The following ZFYVE21 variants were observed in gnomAD, a reference collection of about 807,000 sequenced individuals.
ZFYVE21 encodes the protein zinc finger FYVE-type containing 21.
A neutral mutation model predicts 29.5 loss-of-function variants in ZFYVE21; 21 were observed. The observed-to-expected ratio is 0.71, with a 90% confidence interval of 0.50 to 1.02. The LOEUF (loss-of-function observed/expected upper bound fraction) is 1.02, where lower values mean the gene tolerates loss of function less well. Ranked by LOEUF, ZFYVE21 falls within the 50% of genes least tolerant of loss-of-function variation. The pLI is 0.00. For synonymous variants in ZFYVE21, 151 were observed against 133.8 expected (o/e 1.13, Z -0.89); for missense variants, 326 against 335.4 (o/e 0.97, Z 0.22).
At chr14:103,732,867 C>A in intron 6 of ZFYVE21, 105 bp downstream of exon 6, 1 of 1,601,436 alleles carries the variant, frequency 6.2e-7, no homozygotes, top group East Asian at 2.2e-5. Flanking sequence ...ATCCCCACAA[C>A]CTGTTCCCCC....
At chr14:103,732,513 T>A (rs1441297886) in intron 5 of ZFYVE21, 107 bp from the exon 6 acceptor site, 1 of 1,368,306 alleles carries the variant, frequency 7.3e-7, no homozygotes, top group Admixed American at 2.7e-5. Flanking sequence ...CAGGCTACTC[T>A]TGGAGCAGCA....
chr14:103,733,610 T>C lies in ZFYVE21; in HGVS notation c.*592T>C, dbSNP rs2084010014. ...CACTCACTATTTCACTTTATTAAGA[T>C]GACTGTACAGCAATTTGTATATAAA... On this transcript the variant is annotated 3_prime_UTR_variant, in exon 7 of 7. Coordinates refer to ENST00000311141, the MANE Select transcript of ZFYVE21 (RefSeq NM_024071.4). 6.5e-6 allele frequency: 1 copy of C among 152,994 alleles called. No individual in the cohort carries two copies. The highest frequency in any genetic ancestry group is 1.5e-5 in the Non-Finnish European group (1 of 68,292). The allele number at this position is 152,994 out of a possible 1,614,324, so 9.5% of individuals were successfully genotyped here.
chr14:103,731,014 AGT>A (rs1314402199), intron 5 of ZFYVE21: 2 of 152,402 alleles, frequency 1.3e-5, no homozygotes, highest in East Asian at 3.8e-4. Flanking sequence ...GGCTTATGAA[AGT>A]GTGGTTCTAG....
rs533510351 is a variant in ZFYVE21 at position 103,720,306 on chromosome 14, C to T, written c.138+4327C>T. Among the ~76,000 whole-genome samples the T allele has an allele frequency of 7.2e-5, 11 of 152,290 alleles. No homozygotes were observed. In the East Asian group the frequency reaches 1.4e-3, roughly 19 times the overall value. ...GTTCCTTTTCTGTTTGTAGGAGTTA[C>T]GCTCTACCAGTTAAACGTGATTATC... On this transcript the variant is annotated intron_variant, in intron 1 of 6. Transcript: ENST00000311141.
rs1197510992 is a variant in ZFYVE21, at chr14:103,716,023, C to CA, written c.138+44_138+45insA. ...GGCCAGCGCCTCCGACCCGCCCCGCCGCCCCGGCCCGGCCCCGCGGGCTTC... is the reference window on the plus strand; with the variant it reads ...GGCCAGCGCCTCCGACCCGCCCCGCCAGCCCCGGCCCGGCCCCGCGGGCTTC... On this transcript the variant is annotated intron_variant, in intron 1 of 6. Transcript: ENST00000311141. The surrounding 1 kb of genome is among the most constrained non-coding windows in gnomAD (Gnocchi z 4.8). The CA allele has an allele frequency of 2.5e-6, 3 of 1,188,864 alleles. No individual in the cohort carries two copies. The East Asian group carries it at 1.1e-4, about 45-fold the overall frequency. 73.6% of individuals were successfully genotyped at this position (1,188,864 alleles called of 1,614,324 possible).
Position 103,733,278 on chromosome 14 carries a change from C to T in ZFYVE21, c.*260C>T, listed in dbSNP as rs895712516. On this transcript the variant is annotated 3_prime_UTR_variant, in exon 7 of 7. Transcript: ENST00000311141. The stretch of plus-strand genomic sequence containing the variant: ...TGGGGGTGGGAGAGACTGAGCTACA[C>T]TACTGCTAAACTATTTTTAGCATAA... The T allele has an allele frequency of 4.4e-5, 21 of 479,512 alleles. No individual in the cohort carries two copies. Among genetic ancestry groups the T allele is most frequent in the Non-Finnish European group, 6.7e-5 (18 of 268,316 alleles). The allele number at this position is 479,512 out of a possible 1,614,324, so 29.7% of individuals were successfully genotyped here.
At chr14:103,722,745 G>A (rs2083883918) in intron 1 of ZFYVE21, among the ~76,000 whole-genome samples, 1 of 152,070 alleles carries the variant, frequency 6.6e-6, no homozygotes, top group South Asian at 2.1e-4. Flanking sequence ...CGTGAACCCG[G>A]GAGGCGGAGC....
chr14:103,729,308 C>T, intron 5 of ZFYVE21, 126 bp downstream of exon 5: 1 of 903,516 alleles, frequency 1.1e-6, no homozygotes, highest in South Asian at 1.6e-5. Context: ...GTTTCCAGGA[C>T]AATCTGCCTT....
chr14:103,729,018 T>C, intron 4 of ZFYVE21, 35 bp downstream of exon 4: 2 of 1,613,890 alleles, frequency 1.2e-6, no homozygotes, highest in Non-Finnish European at 1.7e-6. Flanking sequence ...CGGGGCAGCA[T>C]TGTCACAGAC....
At chr14:103,730,215 G>C (rs934767972) in intron 5 of ZFYVE21, 1 of 251,806 alleles carries the variant, frequency 4.0e-6, no homozygotes, top group Non-Finnish European at 7.6e-6. Flanking sequence ...CCCCAGCTCA[G>C]TGTGGCCTCC....
At chr14:103,723,123 T>G (rs1052965817) in intron 1 of ZFYVE21, among the ~76,000 whole-genome samples, 1 of 152,150 alleles carries the variant, frequency 6.6e-6, no homozygotes, top group Non-Finnish European at 1.5e-5. Flanking sequence ...ATAGTTACTC[T>G]CACTGGAACC....
chr14:103,722,548 G>A (rs569505522), intron 1 of ZFYVE21, among the ~76,000 whole-genome samples: 7 of 151,990 alleles, frequency 4.6e-5, no homozygotes, highest in African/African-American at 9.7e-5. Flanking sequence ...GGCCGGGCAC[G>A]GTGGCTCACG....
At position 103,715,880 on chromosome 14, in the gene ZFYVE21, G is replaced by C. The variant is rs2083798637; in HGVS notation, c.39G>C (p.Lys13Asn). 2.1e-6 allele frequency: 3 copies of C among 1,435,294 alleles called. No individual in the cohort carries two copies. Among genetic ancestry groups the C allele is most frequent in the Admixed American group, 2.5e-5 (1 of 40,422 alleles). 88.9% of individuals were successfully genotyped at this position (1,435,294 alleles called of 1,614,324 possible). Reference sequence around the variant, plus strand: ...TGTCCGCGCGCCGCGACGCCAAGAAGCTGGTGCGCTCCCCGAGCGGCCTGC... The same window carrying C: ...TGTCCGCGCGCCGCGACGCCAAGAACCTGGTGCGCTCCCCGAGCGGCCTGC... ...SEVSARRDAK[K>N]LVRSPSGLRM... The change falls in exon 1 of 7, where the codon AAG becomes AAC. Residue 13 changes from lysine to asparagine, a missense_variant. Lys to Asn is a moderately conservative substitution (Grantham distance 94). Transcript: ENST00000311141.
chr14:103,719,688 G>A (rs1234391503), intron 1 of ZFYVE21, among the ~76,000 whole-genome samples: 2 of 152,018 alleles, frequency 1.3e-5, no homozygotes, highest in Non-Finnish European at 2.9e-5. Flanking sequence ...GGATCTCAGC[G>A]CTTGGGTAAA....
intron 5 of ZFYVE21, 131 bp from the exon 6 acceptor site, chr14:103,732,489 C>G: frequency 8.5e-7 from 1 of 1,170,512 alleles, no homozygotes; most frequent in Admixed American, 3.0e-5. Flanking sequence ...CTCCTGAGCA[C>G]CAGCCCTCAC....
Position 103,732,701 on chromosome 14 carries a change from T to C in ZFYVE21, c.608T>C (p.Val203Ala), listed in dbSNP as rs2151954086. 6.2e-7 allele frequency: 1 copy of C among 1,613,512 alleles called. No homozygotes were observed. The highest frequency in any genetic ancestry group is 8.5e-7 in the Non-Finnish European group (1 of 1,179,774). The change falls in exon 6 of 7, where the codon GTG becomes GCG. Residue 203 changes from valine (V) to alanine (A), a missense_variant. Physicochemically the swap from Val to Ala is moderately conservative, Grantham distance 64. Coordinates refer to ENST00000311141, the MANE Select transcript of ZFYVE21 (RefSeq NM_024071.4). ...TEGVTQLKLT[V>A]VEDVTVGRRQ... ...GGTGTGACCCAGCTGAAGCTGACAG[T>C]GGTGGAGGACGTGACTGTGGGCAGG...
In ZFYVE21 at chr14:103,732,707, A is replaced by T; in HGVS notation, c.614A>T (p.Glu205Val). The change falls in exon 6 of 7, where the codon GAG (glutamate) becomes GTG (valine). Residue 205 changes from glutamate (E) to valine (V), a missense_variant. Glu to Val is a moderately radical substitution (Grantham distance 121). Transcript: ENST00000311141. ...GVTQLKLTVVEDVTVGRRQAV... is the reference protein window; with the variant it reads ...GVTQLKLTVVVDVTVGRRQAV... Reference sequence around the variant, plus strand: ...ACCCAGCTGAAGCTGACAGTGGTGGAGGACGTGACTGTGGGCAGGAGGCAG... The same window carrying T: ...ACCCAGCTGAAGCTGACAGTGGTGGTGGACGTGACTGTGGGCAGGAGGCAG... 1 of 1,613,620 alleles carries T rather than the reference A, an allele frequency of 6.2e-7. No homozygotes were observed. Among genetic ancestry groups the T allele is most frequent in the Non-Finnish European group, 8.5e-7 (1 of 1,179,806 alleles).
chr14:103,717,798 CAG>C (rs1189043725), intron 1 of ZFYVE21, among the ~76,000 whole-genome samples: 1 of 152,152 alleles, frequency 6.6e-6, no homozygotes, highest in Non-Finnish European at 1.5e-5. Context: ...GCTTGGGGGA[CAG>C]AGAAACCATT....
chr14:103,724,423 G>A (rs138450107), intron 1 of ZFYVE21: 29 of 152,364 alleles, frequency 1.9e-4, no homozygotes, highest in African/African-American at 5.1e-4. Context: ...CGGCTCTCGC[G>A]TTAGATAAGA....
Sources: gnomAD v4.1 joint callset for allele counts (sites outside exome capture counted in the v4.1 genomes callset) on GRCh38, gnomAD v4.1.1 for gene constraint, Gnocchi (gnomAD v3.1) non-coding constraint, MANE v1.5 for transcripts, NCBI Gene and HGNC (gene_info 2026-07-23, HGNC 2026-07-21) for gene names.